Variants in SYNDIG1L observed in about 807,000 individuals in gnomAD.
SYNDIG1L encodes synapse differentiation-inducing gene protein 1-like.
A neutral mutation model predicts 20.1 loss-of-function variants in SYNDIG1L; 13 were observed. That is an observed-to-expected ratio of 0.65 (90% CI 0.42 to 1.03). SYNDIG1L has a LOEUF of 1.03. SYNDIG1L is among the 50% of genes least tolerant of loss of function. SYNDIG1L has a pLI of 0.00. For synonymous variants in SYNDIG1L, 128 were observed against 129.3 expected (o/e 0.99, Z 0.07); for missense variants, 294 against 305.1 (o/e 0.96, Z 0.27).
intron 2 of SYNDIG1L, 143 bp downstream of exon 2, chr14:74,409,185 C>T (rs1013132398): frequency 5.6e-6 from 3 of 533,806 alleles, no homozygotes; most frequent in Non-Finnish European, 9.3e-6. Flanking sequence ...CTCAAGCAAT[C>T]CTCTCACTTC....
At chr14:74,426,482 A>G (rs900365111), upstream of SYNDIG1L, among the ~76,000 whole-genome samples, 1 of 152,074 alleles carries the variant, frequency 6.6e-6, no homozygotes, top group Non-Finnish European at 1.5e-5. Context: ...CCCCAGAGCG[A>G]TGGGAGGCCC....
chr14:74,463,399 T>C, the SYNDIG1L span, among the ~76,000 whole-genome samples: 14,474 of 152,114 alleles, frequency 0.095, 1,310 homozygotes, highest in African/African-American at 0.22. Context: ...TTGCCTATGG[T>C]GGATGAGGCT....
the SYNDIG1L span, among the ~76,000 whole-genome samples, chr14:74,468,077 C>T: frequency 4.6e-5 from 7 of 151,954 alleles, no homozygotes; most frequent in African/African-American, 9.7e-5. Context: ...AAGCTGGGCC[C>T]GCCAAACTCC....
the SYNDIG1L span, among the ~76,000 whole-genome samples, chr14:74,477,244 C>A: frequency 6.6e-6 from 1 of 151,842 alleles, no homozygotes; most frequent in Non-Finnish European, 1.5e-5. Flanking sequence ...TTTAACGTGA[C>A]TTTCACCTTG....
At chr14:74,457,112 G>A in the SYNDIG1L span, among the ~76,000 whole-genome samples, 2 of 152,200 alleles carry the variant, frequency 1.3e-5, no homozygotes. Context: ...CGGGAAGGCT[G>A]GGCAAAGTAG....
At chr14:74,417,475 C>A (rs1005214675) in intron 1 of SYNDIG1L, among the ~76,000 whole-genome samples, 2 of 152,238 alleles carry the variant, frequency 1.3e-5, no homozygotes, top group Admixed American at 6.5e-5. Flanking sequence ...CAGCCTTTAT[C>A]AGAACCCTGT....
chr14:74,416,687 A>G (rs2086178463), intron 1 of SYNDIG1L, among the ~76,000 whole-genome samples: 1 of 152,180 alleles, frequency 6.6e-6, no homozygotes, highest in African/African-American at 2.4e-5. Context: ...GATAGATTGG[A>G]CTTAACAAAA....
At chr14:74,410,131 C>A (rs2086120149) in intron 1 of SYNDIG1L, among the ~76,000 whole-genome samples, 1 of 152,194 alleles carries the variant, frequency 6.6e-6, no homozygotes, top group Non-Finnish European at 1.5e-5. Flanking sequence ...GGAGAGGGAG[C>A]AGATGCCTGC....
chr14:74,479,749 T>C, the SYNDIG1L span: 1 of 191,216 alleles, frequency 5.2e-6, no homozygotes, highest in Non-Finnish European at 1.1e-5. Flanking sequence ...GGTATAAGAT[T>C]GTGTCAAATA....
the SYNDIG1L span, among the ~76,000 whole-genome samples, chr14:74,473,204 A>G: frequency 6.6e-6 from 1 of 151,942 alleles, no homozygotes; most frequent in African/African-American, 2.4e-5. Context: ...TGGCCAATAT[A>G]GTGATACCCC....
At chr14:74,479,011 G>C in the SYNDIG1L span, among the ~76,000 whole-genome samples, 1 of 152,154 alleles carries the variant, frequency 6.6e-6, no homozygotes, top group African/African-American at 2.4e-5. Context: ...CGAAGCCAGA[G>C]ACCCGCACAA....
At chr14:74,463,566 C>T in the SYNDIG1L span, among the ~76,000 whole-genome samples, 5 of 152,102 alleles carry the variant, frequency 3.3e-5, no homozygotes, top group African/African-American at 1.2e-4. Flanking sequence ...GTCTCGGATA[C>T]CTCAGCTAAA....
the SYNDIG1L span, among the ~76,000 whole-genome samples, chr14:74,446,389 A>G: frequency 4.6e-5 from 7 of 152,210 alleles, no homozygotes; most frequent in African/African-American, 1.7e-4. Flanking sequence ...TCTTCTAAAT[A>G]AGTACCAGAA....
upstream of SYNDIG1L, among the ~76,000 whole-genome samples, chr14:74,428,795 T>G (rs2086284069): frequency 6.6e-6 from 1 of 152,048 alleles, no homozygotes; most frequent in African/African-American, 2.4e-5. Flanking sequence ...TGGTGAGAAC[T>G]TGAGCAAGGC....
At chr14:74,479,994 T>C in the SYNDIG1L span, 1 of 1,401,790 alleles carries the variant, frequency 7.1e-7, no homozygotes, top group Non-Finnish European at 9.3e-7. Flanking sequence ...TTTCCAGGTG[T>C]AGAAAGAGGC....
the SYNDIG1L span, among the ~76,000 whole-genome samples, chr14:74,440,115 C>A: frequency 6.6e-6 from 1 of 152,038 alleles, no homozygotes; most frequent in African/African-American, 2.4e-5. Flanking sequence ...CGCGGTGGCT[C>A]ACGTCTGTAA....
At chr14:74,410,768 C>A (rs2086124492) in intron 1 of SYNDIG1L, among the ~76,000 whole-genome samples, 1 of 152,136 alleles carries the variant, frequency 6.6e-6, no homozygotes, top group Non-Finnish European at 1.5e-5. Flanking sequence ...GCTGTCAGCT[C>A]TTACTGAGGG....
the SYNDIG1L span, among the ~76,000 whole-genome samples, chr14:74,466,742 G>A: frequency 6.6e-5 from 10 of 152,212 alleles, no homozygotes; most frequent in East Asian, 9.7e-4. Flanking sequence ...AAAAAATTCC[G>A]TTAGACAAAA....
chr14:74,446,777 C>T, the SYNDIG1L span, among the ~76,000 whole-genome samples: 4 of 152,016 alleles, frequency 2.6e-5, no homozygotes, highest in Admixed American at 6.6e-5. Context: ...CCACCACGCT[C>T]GGCTAATTTT....
Sources: allele counts gnomAD v4.1 joint callset (sites outside exome capture counted in the v4.1 genomes callset), GRCh38; gene constraint gnomAD v4.1.1; transcripts MANE v1.5; gene names NCBI Gene and HGNC (gene_info 2026-07-23, HGNC 2026-07-21).